Variants in AGBL4 observed in about 807,000 individuals in gnomAD.
The protein encoded by AGBL4 is cytosolic carboxypeptidase 6.
In AGBL4, 58 loss-of-function variants were observed where a neutral mutation model predicts 66.4. The observed-to-expected ratio is 0.87, with a 90% confidence interval of 0.71 to 1.09. The LOEUF is 1.09. Among genes scored for constraint, AGBL4 ranks in the 50% least tolerant of loss-of-function variants. The pLI is 0.00. For missense variants in AGBL4, 579 were observed against 631.0 expected, an observed-to-expected ratio of 0.92 and a Z score of 0.88; for synonymous variants, 234 against 222.9, an observed-to-expected ratio of 1.05 and a Z score of -0.44.
intron 4 of AGBL4, among the ~76,000 whole-genome samples, chr1:49,198,872 T>C (rs1647455023): frequency 6.6e-6 from 1 of 152,192 alleles, no homozygotes; most frequent in African/African-American, 2.4e-5. Flanking sequence ...CCCGTCTACC[T>C]ATTTCTGAGG....
intron 6 of AGBL4, among the ~76,000 whole-genome samples, chr1:48,678,156 C>T (rs1298062840): frequency 6.6e-6 from 1 of 152,152 alleles, no homozygotes; most frequent in Non-Finnish European, 1.5e-5. Context: ...CAGGCCTTCT[C>T]AGCACAGCCA....
intron 4 of AGBL4, among the ~76,000 whole-genome samples, chr1:49,241,266 A>G (rs1220258505): frequency 6.6e-6 from 1 of 152,072 alleles, no homozygotes; most frequent in Non-Finnish European, 1.5e-5. Flanking sequence ...CATTAGAATC[A>G]AGTCCTACTC....
intron 3 of AGBL4, among the ~76,000 whole-genome samples, chr1:49,505,569 T>A (rs184172034): frequency 6.6e-6 from 1 of 152,082 alleles, no homozygotes; most frequent in African/African-American, 2.4e-5. Context: ...TTCTGGTATG[T>A]AGAGTTTCTG....
At chr1:49,798,431 C>T (rs1195795237) in intron 2 of AGBL4, among the ~76,000 whole-genome samples, 1 of 152,056 alleles carries the variant, frequency 6.6e-6, no homozygotes, top group African/African-American at 2.4e-5. Context: ...TCATTTACTC[C>T]ATTAATGCAT....
intron 4 of AGBL4, among the ~76,000 whole-genome samples, chr1:49,097,468 C>A (rs992537403): frequency 6.6e-6 from 1 of 152,114 alleles, no homozygotes; most frequent in Non-Finnish European, 1.5e-5. Context: ...GTCTAATATA[C>A]TTAATTTAAA....
intron 3 of AGBL4, among the ~76,000 whole-genome samples, chr1:49,264,472 A>G (rs944956926): frequency 6.6e-6 from 1 of 151,912 alleles, no homozygotes; most frequent in African/African-American, 2.4e-5. Flanking sequence ...ATAAATTTTT[A>G]TATGTTTGGG....
intron 5 of AGBL4, among the ~76,000 whole-genome samples, chr1:49,019,466 T>G (rs1663075227): frequency 6.6e-6 from 1 of 152,202 alleles, no homozygotes; most frequent in Non-Finnish European, 1.5e-5. Context: ...GTAGAAAATG[T>G]AAATGAATAA....
intron 4 of AGBL4, among the ~76,000 whole-genome samples, chr1:49,114,272 A>G (rs149404945): frequency 6.6e-6 from 1 of 152,190 alleles, no homozygotes; most frequent in African/African-American, 2.4e-5. Flanking sequence ...TTATGGAGAC[A>G]GCTTCTTTCT....
intron 4 of AGBL4, among the ~76,000 whole-genome samples, chr1:49,241,491 A>G (rs1019854528): frequency 4.6e-5 from 7 of 152,106 alleles, no homozygotes; most frequent in African/African-American, 1.7e-4. Context: ...CTTAAATTCT[A>G]TGTAGTATTT....
intron 5 of AGBL4, among the ~76,000 whole-genome samples, chr1:48,885,281 C>T (rs779444671): frequency 1.3e-5 from 2 of 152,212 alleles, no homozygotes; most frequent in Non-Finnish European, 2.9e-5. Flanking sequence ...CACAGTTACG[C>T]TCATTCATTC....
At chr1:49,358,310 A>G (rs956803569) in intron 3 of AGBL4, among the ~76,000 whole-genome samples, 29 of 152,146 alleles carry the variant, frequency 1.9e-4, no homozygotes, top group African/African-American at 7.0e-4. Context: ...TCCAGACCCC[A>G]GACCCTAGTT....
chr1:48,574,716 A>G (rs1161998266), intron 11 of AGBL4, among the ~76,000 whole-genome samples: 1 of 151,820 alleles, frequency 6.6e-6, no homozygotes, highest in East Asian at 1.9e-4. Flanking sequence ...GAGACATATC[A>G]ACAAGCCAAG....
rs189868614 is a variant in AGBL4, at chr1:49,314,539, T to G, written c.283-68675A>C. 3.5e-4 allele frequency among the ~76,000 whole-genome samples: 53 copies of G among 152,244 alleles called. 1 individual carries two copies. Among genetic ancestry groups the G allele is most frequent in the African/African-American group, 1.2e-3 (51 of 41,548 alleles). On this transcript the variant is annotated intron_variant, in intron 3 of 13. Transcript: ENST00000371839. ...GAATGATGGTTTCCAGCTCCATCCA[T>G]GTCCCTGCAAAGGACATGAACTCAT...
chr1:48,680,314 A>G (rs540534889), intron 6 of AGBL4, among the ~76,000 whole-genome samples: 1 of 152,342 alleles, frequency 6.6e-6, no homozygotes, highest in East Asian at 1.9e-4. Flanking sequence ...GGGATCAGTA[A>G]GATCGTGTCC....
intron 4 of AGBL4, among the ~76,000 whole-genome samples, chr1:49,070,739 G>A (rs1644585901): frequency 6.6e-6 from 1 of 151,866 alleles, no homozygotes; most frequent in African/African-American, 2.4e-5. Flanking sequence ...AGATGATGCT[G>A]GCTTCATAAA....
chr1:49,713,392 T>C (rs1647823919), intron 2 of AGBL4, among the ~76,000 whole-genome samples: 1 of 152,094 alleles, frequency 6.6e-6, no homozygotes, highest in African/African-American at 2.4e-5. Flanking sequence ...TATTTAGCAA[T>C]TCATTAACAT....
chr1:48,826,184 G>C (rs993046283), intron 6 of AGBL4, among the ~76,000 whole-genome samples: 2 of 152,116 alleles, frequency 1.3e-5, no homozygotes, highest in Admixed American at 1.3e-4. Context: ...TCTTTAGCTT[G>C]CTTCAGAAGA....
chr1:49,764,153 C>T (rs538469862), intron 2 of AGBL4, among the ~76,000 whole-genome samples: 5 of 152,158 alleles, frequency 3.3e-5, no homozygotes, highest in Admixed American at 6.5e-5. Context: ...AGTCACAACA[C>T]GCATTCCTCT....
chr1:49,124,029 T>C (rs909845804), intron 4 of AGBL4, among the ~76,000 whole-genome samples: 11 of 152,172 alleles, frequency 7.2e-5, no homozygotes, highest in Non-Finnish European at 1.3e-4. Context: ...GTTGGATCAT[T>C]TTTAGAATGG....
Sources: allele counts gnomAD v4.1 joint callset (sites outside exome capture counted in the v4.1 genomes callset), GRCh38; gene constraint gnomAD v4.1.1; transcripts MANE v1.5; gene names NCBI Gene and HGNC (gene_info 2026-07-23, HGNC 2026-07-21).